The following PIF1 variants were observed in gnomAD, a reference collection of about 807,000 sequenced individuals.
The protein encoded by PIF1 is PIF1 5'-to-3' DNA helicase, also known as ATP-dependent DNA helicase PIF1.
In PIF1, 67 loss-of-function variants were observed where a neutral mutation model predicts 62.3. That is an observed-to-expected ratio of 1.08 (90% CI 0.88 to 1.32). The LOEUF (loss-of-function observed/expected upper bound fraction) is 1.32, where lower values mean the gene tolerates loss of function less well. PIF1 is among the 40% of genes most tolerant of loss of function. The pLI is 0.00. For synonymous variants in PIF1, 364 were observed against 379.5 expected (o/e 0.96, Z 0.47); for missense variants, 886 against 866.1 (o/e 1.02, Z -0.29).
chr15:64,816,256 G>GAGGCCAC lies in PIF1; in HGVS notation c.*35_*41dup. 6.2e-7 allele frequency: 1 copy of GAGGCCAC among 1,612,540 alleles called. No individual in the cohort carries two copies. The highest frequency in any genetic ancestry group is 8.5e-7 in the Non-Finnish European group (1 of 1,179,762). ...GGCCACTAGGGAGCAGGAGGACGGGGAGGCCACAGGCCACCCTTTGTCTTC... is the reference window on the plus strand; with the variant it reads ...GGCCACTAGGGAGCAGGAGGACGGGGAGGCCACAGGCCACAGGCCACCCTTTGTCTTC... On this transcript the variant is annotated 3_prime_UTR_variant, in exon 13 of 13. Transcript: ENST00000559239.
rs1174671755 is a variant in PIF1 at position 64,824,216 on chromosome 15, G to A, written c.120C>T (p.Thr40=). Residue 40 remains threonine (T), a synonymous_variant, in exon 2 of 13, where the codon ACC becomes ACT. Transcript: ENST00000559239. The part of the protein sequence containing the change: ...GQPRRRQALR[T]AELSLGRNER... Reference sequence around the variant, plus strand: ...CGTTGCGACCCAGGCTCAGCTCCGCGGTGCGCAGGGCCTGGCGCCTTCGCG... The same window carrying A: ...CGTTGCGACCCAGGCTCAGCTCCGCAGTGCGCAGGGCCTGGCGCCTTCGCG... 2.2e-6 allele frequency: 3 copies of A among 1,347,508 alleles called. No homozygotes were observed. Among genetic ancestry groups the A allele is most frequent in the Non-Finnish European group, 2.9e-6 (3 of 1,043,072 alleles). The allele number at this position is 1,347,508 out of a possible 1,614,324, so 83.5% of individuals were successfully genotyped here.
rs545349371 is a variant in PIF1 at position 64,824,188 on chromosome 15, G to A, written c.148C>T (p.Arg50Cys). Residue 50 changes from arginine to cysteine, a missense_variant, in exon 2 of 13, where the codon CGC becomes TGC. Physicochemically the swap from Arg to Cys is radical, Grantham distance 180. Transcript: ENST00000559239. ...TAELSLGRNERRELMLRLQAP... is the reference protein window; with the variant it reads ...TAELSLGRNECRELMLRLQAP... ...TGCAGCCGCAGCATCAACTCGCGGC[G>A]CTCGTTGCGACCCAGGCTCAGCTCC... The A allele has an allele frequency of 2.9e-5, 39 of 1,344,222 alleles. No individual in the cohort carries two copies. The South Asian group carries it at 5.9e-4, about 20-fold the overall frequency. The allele number at this position is 1,344,222 out of a possible 1,614,324, so 83.3% of individuals were successfully genotyped here.
Position 64,821,102 on chromosome 15 carries a change from G to A in PIF1, c.1087-14C>T. On this transcript the variant is annotated splice_polypyrimidine_tract_variant and intron_variant, in intron 6 of 12. Coordinates refer to ENST00000559239, the MANE Select transcript of PIF1 (RefSeq NM_001286496.2). ...CCAGCTCTTGGACTGGTGGGGGCAG[G>A]GTGGGGGTGGGTCAAGGAGCAGAGC... 6.2e-7 allele frequency: 1 copy of A among 1,613,334 alleles called. No individual in the cohort carries two copies. The highest frequency in any genetic ancestry group is 8.5e-7 in the Non-Finnish European group (1 of 1,179,368).
upstream of PIF1, among the ~76,000 whole-genome samples, chr15:64,826,351 A>G (rs1486383886): frequency 6.6e-6 from 1 of 151,932 alleles, no homozygotes; most frequent in Non-Finnish European, 1.5e-5. Flanking sequence ...GGAATTACAT[A>G]GCTGGAAAGG....
chr15:64,824,998 T>TACAC (rs534129428), intron 1 of PIF1, among the ~76,000 whole-genome samples: 28 of 146,602 alleles, frequency 1.9e-4, no homozygotes, highest in African/African-American at 5.8e-4. Context: ...TCTATATATA[T>TACAC]ACACACACAC....
At chr15:64,826,681 T>TATAC (rs2084375723), upstream of PIF1, among the ~76,000 whole-genome samples, 2 of 73,174 alleles carry the variant, frequency 2.7e-5, no homozygotes, top group Non-Finnish European at 6.3e-5. Flanking sequence ...CACACACACA[T>TATAC]ATATACACAC....
At position 64,824,298 on chromosome 15, in the gene PIF1, T is replaced by G; in HGVS notation, c.38A>C (p.Glu13Ala). The G allele has an allele frequency of 7.9e-7, 1 of 1,262,092 alleles. No individual in the cohort carries two copies. Among genetic ancestry groups the G allele is most frequent in the Non-Finnish European group, 1.0e-6 (1 of 1,002,026 alleles). 78.2% of individuals were successfully genotyped at this position (1,262,092 alleles called of 1,614,324 possible). ...SGIEAAAGEY[E>A]DSELRCRVAV... is the part of the protein sequence containing the mutation. ...CACGCGGCACCGCAGCTCCGAGTCC[T>G]CATATTCCCCTGCCGCCGCCTCTAT... The change falls in exon 2 of 13, where the codon GAG (glutamate) becomes GCG (alanine). Residue 13 changes from glutamate (E) to alanine (A), a missense_variant. Transcript: ENST00000559239.
In PIF1 at chr15:64,819,839, C is replaced by T. The variant is rs1387999084; in HGVS notation, c.1333+8G>A. 1.2e-6 allele frequency: 2 copies of T among 1,612,410 alleles called. No individual in the cohort carries two copies. The highest frequency in any genetic ancestry group is 2.2e-5 in the South Asian group (2 of 91,078). On this transcript the variant is annotated splice_region_variant and intron_variant, in intron 8 of 12. Transcript: ENST00000559239. Reference sequence around the variant, plus strand: ...GCTGGTCTTGCCCAGCCCAGGCTCCCTGCTCACCTGGCAGCTCCTGAAGCC... The same window carrying T: ...GCTGGTCTTGCCCAGCCCAGGCTCCTTGCTCACCTGGCAGCTCCTGAAGCC...
intron 7 of PIF1, among the ~76,000 whole-genome samples, chr15:64,820,392 G>C (rs2084268973): frequency 6.6e-6 from 1 of 152,152 alleles, no homozygotes; most frequent in South Asian, 2.1e-4. Flanking sequence ...TCTAGCTTAT[G>C]TTTCTGTTTT....
chr15:64,825,188 T>C (rs1185866841), intron 1 of PIF1, among the ~76,000 whole-genome samples: 1 of 151,690 alleles, frequency 6.6e-6, no homozygotes, highest in Non-Finnish European at 1.5e-5. Flanking sequence ...CAGAGTACTC[T>C]CCCCAGGAAG....
At chr15:64,825,844 C>A (rs2084360180), upstream of PIF1, among the ~76,000 whole-genome samples, 1 of 152,166 alleles carries the variant, frequency 6.6e-6, no homozygotes. Context: ...CATACCAAAT[C>A]CAGTGGACGG....
chr15:64,822,671 T>C (rs1218884522), intron 2 of PIF1, 61 bp from the exon 3 acceptor site: 39 of 1,603,180 alleles, frequency 2.4e-5, no homozygotes, highest in Non-Finnish European at 3.1e-5. Flanking sequence ...CCCCCACCCT[T>C]CTTGGCCCAT....
intron 11 of PIF1, 122 bp from the exon 12 acceptor site, chr15:64,816,887 T>G: frequency 7.9e-6 from 7 of 888,202 alleles, no homozygotes; most frequent in Non-Finnish European, 1.1e-5. Context: ...AGAGAGTCTC[T>G]AGACAGAGGG....
intron 1 of PIF1, among the ~76,000 whole-genome samples, chr15:64,825,321 G>A (rs2084353954): frequency 1.3e-5 from 2 of 152,118 alleles, no homozygotes; most frequent in Non-Finnish European, 2.9e-5. Context: ...GTGTACAGAC[G>A]TGGAAACAGG....
At chr15:64,817,414 C>T (rs983723923) in intron 11 of PIF1, among the ~76,000 whole-genome samples, 13 of 152,094 alleles carry the variant, frequency 8.5e-5, no homozygotes, top group Admixed American at 3.3e-4. Flanking sequence ...GGCGTGGTGG[C>T]GGCCGCCTGT....
upstream of PIF1, among the ~76,000 whole-genome samples, chr15:64,826,696 AT>A (rs2084376143): frequency 7.2e-6 from 1 of 138,920 alleles, no homozygotes; most frequent in Non-Finnish European, 1.5e-5. Flanking sequence ...ACACACACAT[AT>A]ATATACACAC....
upstream of PIF1, among the ~76,000 whole-genome samples, chr15:64,826,666 A>ATATATAT: frequency 1.0e-4 from 1 of 9,778 alleles, no homozygotes; most frequent in Non-Finnish European, 2.5e-4. Flanking sequence ...ATATATATAT[A>ATATATAT]CACACACACA....
Position 64,823,921 on chromosome 15 carries a change from G to T in PIF1, c.415C>A (p.Leu139Met). The change falls in exon 2 of 13, where the codon CTG becomes ATG. Residue 139 changes from leucine (L) to methionine (M), a missense_variant. Leu to Met is a conservative substitution (Grantham distance 15). Transcript: ENST00000559239. Reference protein sequence around the residue: ...GPGPASARAQLLGPRPRDFVT... With the variant: ...GPGPASARAQMLGPRPRDFVT... ...AAGTCGCGGGGCCGCGGGCCCAGCA[G>T]CTGCGCTCGGGCGGAGGCCGGCCCG... The T allele has an allele frequency of 7.5e-7, 1 of 1,335,004 alleles. No individual in the cohort carries two copies. Among genetic ancestry groups the T allele is most frequent in the Non-Finnish European group, 9.7e-7 (1 of 1,036,256 alleles). The allele number at this position is 1,335,004 out of a possible 1,614,324, so 82.7% of individuals were successfully genotyped here.
intron 11 of PIF1, 152 bp downstream of exon 11, chr15:64,817,794 G>A (rs1319857644): frequency 4.8e-6 from 4 of 831,174 alleles, no homozygotes; most frequent in Non-Finnish European, 7.2e-6. Context: ...CCTGGGAGGT[G>A]GAGGTTGCAG....
Sources: allele counts gnomAD v4.1 joint callset (sites outside exome capture counted in the v4.1 genomes callset), GRCh38; gene constraint gnomAD v4.1.1; transcripts MANE v1.5; gene names NCBI Gene and HGNC (gene_info 2026-07-23, HGNC 2026-07-21).